The following MMP2 variants were observed in gnomAD, a reference collection of about 807,000 sequenced individuals.
The protein encoded by MMP2 is matrix metallopeptidase 2.
MMP2 carries 39 observed loss-of-function variants against 74.8 expected under a neutral mutation model. That is an observed-to-expected ratio of 0.52 (90% CI 0.40 to 0.68). MMP2 has a LOEUF of 0.68. Among genes scored for constraint, MMP2 ranks in the 30% least tolerant of loss-of-function variants. The probability of loss-of-function intolerance (pLI) is 0.00; values close to 1 mark genes in which losing one functional copy is unlikely to be tolerated. For missense variants in MMP2, 803 were observed against 878.3 expected (o/e 0.91, Z 1.08); for synonymous variants, 367 against 339.8 (o/e 1.08, Z -0.88).
At position 55,496,947 on chromosome 16, in the gene MMP2, G is replaced by T; in HGVS notation, c.1494G>T (p.Thr498=). Residue 498 remains threonine, a synonymous_variant, in exon 10 of 13, where the codon ACG becomes ACT. Coordinates refer to ENST00000219070, the MANE Select transcript of MMP2 (RefSeq NM_004530.6). The part of the protein sequence containing the change: ...FKDRFIWRTV[T]PRDKPMGPLL... ...CCAGGTTCATTTGGCGGACTGTGAC[G>T]CCACGTGACAAGCCCATGGGGCCCC... 6.2e-7 allele frequency: 1 copy of T among 1,614,040 alleles called. No individual in the cohort carries two copies. The highest frequency in any genetic ancestry group is 8.5e-7 in the Non-Finnish European group (1 of 1,180,024).
At chr16:55,483,184 G>C in intron 2 of MMP2, 49 bp downstream of exon 2, 1 of 1,468,912 alleles carries the variant, frequency 6.8e-7, no homozygotes, top group Non-Finnish European at 9.5e-7. Context: ...TGAGGGACAC[G>C]AGTCTCCTTG....
rs1183305464 is a variant in MMP2 at position 55,485,317 on chromosome 16, C to A, written c.548C>A (p.Pro183His). The A allele has an allele frequency of 6.2e-7, 1 of 1,613,944 alleles. No homozygotes were observed. The highest frequency in any genetic ancestry group is 1.7e-5 in the Admixed American group (1 of 59,998). ...GTTTCAGAGCATGGCGATGGATACC[C>A]CTTTGACGGTAAGGACGGACTCCTG... ...FGRWEHGDGYPFDGKDGLLAH... is the reference protein window; with the variant it reads ...FGRWEHGDGYHFDGKDGLLAH... The change falls in exon 4 of 13, where the codon CCC (proline) becomes CAC (histidine). Residue 183 changes from proline to histidine, a missense_variant. By Grantham distance (77) the Pro-to-His change is moderately conservative (BLOSUM62 -2). This residue lies in a region of MMP2 where 25 missense variants were observed against 53.5 expected (regional missense o/e 0.47). Transcript: ENST00000219070.
chr16:55,500,829 A>G (rs901852339), intron 11 of MMP2, among the ~76,000 whole-genome samples: 1 of 152,178 alleles, frequency 6.6e-6, no homozygotes, highest in Non-Finnish European at 1.5e-5. Context: ...TCTTTGCTGG[A>G]GAAGGAGAGA....
chr16:55,484,275 A>G, intron 3 of MMP2, 111 bp downstream of exon 3: 1 of 1,311,906 alleles, frequency 7.6e-7, no homozygotes, highest in Non-Finnish European at 1.1e-6. Context: ...TAGATAGGAC[A>G]GTAGATGGTG....
At position 55,502,794 on chromosome 16, in the gene MMP2, G is replaced by T. The variant is rs757888862; in HGVS notation, c.1785G>T (p.Lys595Asn). The T allele has an allele frequency of 6.2e-7, 1 of 1,613,936 alleles. No homozygotes were observed. The highest frequency in any genetic ancestry group is 8.5e-7 in the Non-Finnish European group (1 of 1,179,866). Residue 595 changes from lysine (K) to asparagine (N), a missense_variant, in exon 12 of 13, where the codon AAG becomes AAT. Physicochemically the swap from Lys to Asn is moderately conservative, Grantham distance 94. This residue lies in a region of MMP2 where 555 missense variants were observed against 592.0 expected (regional missense o/e 0.94). Coordinates refer to ENST00000219070, the MANE Select transcript of MMP2 (RefSeq NM_004530.6). The part of the protein sequence containing the change: ...GDKFWRYNEV[K>N]KKMDPGFPKL... ...TTCTTTACAGATACAATGAGGTGAA[G>T]AAGAAAATGGATCCTGGCTTCCCCA...
intron 5 of MMP2, chr16:55,487,343 G>A (rs1962283860): frequency 6.6e-6 from 1 of 152,368 alleles, no homozygotes; most frequent in African/African-American, 2.4e-5. Flanking sequence ...AGGAGACAGG[G>A]GCTTCCTGGG....
Position 55,493,186 on chromosome 16 carries a change from C to T in MMP2, c.1365C>T (p.Thr455=), listed in dbSNP as rs748294028. The T allele has an allele frequency of 1.7e-5, 28 of 1,613,874 alleles. No homozygotes were observed. The Admixed American group carries it at 2.3e-4, about 13-fold the overall frequency. Residue 455 remains threonine (T), a synonymous_variant, in exon 9 of 13, where the codon ACC becomes ACT. Coordinates refer to ENST00000219070, the MANE Select transcript of MMP2 (RefSeq NM_004530.6). ...YGASPDIDLG[T]GPTPTLGPVT... ...CCTCTCCTGACATTGACCTTGGCAC[C>T]GGCCCCACCCCCACGCTGGGCCCTG...
chr16:55,488,693 A>C lies in MMP2; in HGVS notation c.983A>C (p.Lys328Thr). The change falls in exon 6 of 13, where the codon AAG becomes ACG. Residue 328 changes from lysine to threonine, a missense_variant. By Grantham distance (78) the Lys-to-Thr change is moderately conservative. This residue lies in a region of MMP2 where 555 missense variants were observed against 592.0 expected (regional missense o/e 0.94). Coordinates refer to ENST00000219070, the MANE Select transcript of MMP2 (RefSeq NM_004530.6). ...GTTEDYDRDK[K>T]YGFCPETAMS... ...ACTGAGGACTACGACCGCGACAAGAAGTATGGCTTCTGCCCTGAGACCGGT... is the reference window on the plus strand; with the variant it reads ...ACTGAGGACTACGACCGCGACAAGACGTATGGCTTCTGCCCTGAGACCGGT... The C allele has an allele frequency of 6.2e-6, 10 of 1,608,972 alleles. No homozygotes were observed. Among genetic ancestry groups the C allele is most frequent in the Non-Finnish European group, 7.6e-6 (9 of 1,178,044 alleles).
In MMP2 at chr16:55,488,653, C is replaced by T. The variant is rs757239173; in HGVS notation, c.943C>T (p.Arg315Cys). ...CTTEGRTDGY[R>C]WCGTTEDYDR... ...CACTGAGGGCCGCACGGATGGCTAC[C>T]GCTGGTGCGGCACCACTGAGGACTA... The change falls in exon 6 of 13, where the codon CGC (arginine) becomes TGC (cysteine). Residue 315 changes from arginine to cysteine, a missense_variant. This residue lies in a region of MMP2 where 555 missense variants were observed against 592.0 expected (regional missense o/e 0.94). Coordinates refer to ENST00000219070, the MANE Select transcript of MMP2 (RefSeq NM_004530.6). The T allele has an allele frequency of 3.4e-5, 55 of 1,613,240 alleles. No individual in the cohort carries two copies. The highest frequency in any genetic ancestry group is 4.6e-5 in the Non-Finnish European group (54 of 1,179,786).
intron 1 of MMP2, among the ~76,000 whole-genome samples, 168 bp from the exon 2 acceptor site, chr16:55,482,741 C>A (rs551696269): frequency 2.0e-5 from 3 of 152,280 alleles, no homozygotes; most frequent in African/African-American, 7.2e-5. Context: ...AATGGGTGAC[C>A]GTGCTGGTTT....
rs779162345 is a variant in MMP2, at chr16:55,484,183, A to G, written c.529+19A>G. On this transcript the variant is annotated intron_variant, in intron 3 of 12. Coordinates refer to ENST00000219070, the MANE Select transcript of MMP2 (RefSeq NM_004530.6). ...CGCTGGGGTAGGCAGAAGATGGGGC[A>G]GAAGAGGGGCCAGCAGGGATCAGTG... The G allele has an allele frequency of 8.1e-6, 13 of 1,613,138 alleles. 1 individual carries two copies. In the South Asian group the frequency reaches 1.4e-4, roughly 18 times the overall value.
At chr16:55,504,738 C>T (rs924044266) in intron 12 of MMP2, among the ~76,000 whole-genome samples, 3 of 151,684 alleles carry the variant, frequency 2.0e-5, no homozygotes, top group Admixed American at 6.6e-5. Flanking sequence ...CTGCAAGCTC[C>T]GCCTACTGGG....
chr16:55,502,059 G>A (rs1962679764), intron 11 of MMP2, among the ~76,000 whole-genome samples: 1 of 152,170 alleles, frequency 6.6e-6, no homozygotes, highest in Admixed American at 6.5e-5. Flanking sequence ...ATTAAAGGCG[G>A]GGCCCAGGAT....
chr16:55,482,764 C>T (rs763742155), intron 1 of MMP2, 145 bp from the exon 2 acceptor site: 2 of 722,660 alleles, frequency 2.8e-6, no homozygotes, highest in Non-Finnish European at 4.8e-6. Flanking sequence ...GAACCCAGTA[C>T]TCCACCCAGT....
At chr16:55,500,667 A>G (rs983849353) in intron 11 of MMP2, among the ~76,000 whole-genome samples, 2 of 152,142 alleles carry the variant, frequency 1.3e-5, no homozygotes, top group Admixed American at 1.3e-4. Flanking sequence ...CAGAGGAACC[A>G]CCCTGAGACT....
intron 1 of MMP2, chr16:55,480,402 G>C (rs1962067997): frequency 6.6e-6 from 1 of 152,416 alleles, no homozygotes; most frequent in Non-Finnish European, 1.5e-5. Flanking sequence ...GAGCTGGCCC[G>C]GCAGGAGGGA....
At chr16:55,491,983 T>TGGG in intron 8 of MMP2, 27 bp downstream of exon 8, 1 of 1,061,202 alleles carries the variant, frequency 9.4e-7, no homozygotes, top group Non-Finnish European at 1.3e-6. Context: ...GGGTTGGGGG[T>TGGG]GGAGGGTGAG....
At chr16:55,496,854 T>TG (rs1200501309) in intron 9 of MMP2, 72 bp from the exon 10 acceptor site, 33 of 1,596,878 alleles carry the variant, frequency 2.1e-5, no homozygotes, top group Admixed American at 6.7e-5. Context: ...TGGGTGGGTT[T>TG]GGGGGTGTGT....
chr16:55,494,583 G>A (rs549236834), intron 9 of MMP2, among the ~76,000 whole-genome samples: 1 of 152,322 alleles, frequency 6.6e-6, no homozygotes, highest in South Asian at 2.1e-4. Context: ...ACCATCTAGA[G>A]TGTGGGTATT....
Sources: gnomAD v4.1 joint callset for allele counts (sites outside exome capture counted in the v4.1 genomes callset) on GRCh38, gnomAD v4.1.1 for gene constraint, gnomAD v4.1.1 regional missense constraint, MANE v1.5 for transcripts, NCBI Gene and HGNC (gene_info 2026-07-23, HGNC 2026-07-21) for gene names.